Variants in ZPBP observed in about 807,000 individuals in gnomAD.
ZPBP encodes zona pellucida-binding protein 1.
A neutral mutation model predicts 44.8 loss-of-function variants in ZPBP; 26 were observed. The ratio of observed to expected loss-of-function variants is 0.58; its 90% CI spans 0.43 to 0.81. The LOEUF (loss-of-function observed/expected upper bound fraction) is 0.81, where lower values mean the gene tolerates loss of function less well. Ranked by LOEUF, ZPBP falls within the 30% of genes least tolerant of loss-of-function variation. The probability of loss-of-function intolerance (pLI) is 0.00; values close to 1 mark genes in which losing one functional copy is unlikely to be tolerated. For synonymous variants in ZPBP, 174 were observed against 153.2 expected (o/e 1.14, Z -1.00); for missense variants, 409 against 434.0 (o/e 0.94, Z 0.51).
intron 4 of ZPBP, among the ~76,000 whole-genome samples, chr7:50,033,101 C>CA (rs1043713746): frequency 4.2e-4 from 63 of 150,044 alleles, no homozygotes; most frequent in Non-Finnish European, 7.3e-4. Flanking sequence ...GTCAAGAAAG[C>CA]TTTTTTTTTA....
At chr7:49,853,799 T>C (rs1236530758) in intron 2 of ZPBP, among the ~76,000 whole-genome samples, 1 of 152,092 alleles carries the variant, frequency 6.6e-6, no homozygotes. Context: ...TGTGCCATGT[T>C]GGTGTGCTGC....
intron 2 of ZPBP, among the ~76,000 whole-genome samples, chr7:49,870,818 C>T (rs1791118672): frequency 6.6e-6 from 1 of 152,162 alleles, no homozygotes; most frequent in South Asian, 2.1e-4. Flanking sequence ...GACTGTGTAC[C>T]TCATTTATAC....
chr7:49,864,307 C>A (rs1451194816), intron 2 of ZPBP, among the ~76,000 whole-genome samples: 10 of 152,168 alleles, frequency 6.6e-5, no homozygotes, highest in Admixed American at 6.5e-4. Context: ...GTAGTCTCTG[C>A]AGAATTGTTC....
At chr7:50,083,016 C>T (rs1802448617) in intron 2 of ZPBP, among the ~76,000 whole-genome samples, 1 of 151,804 alleles carries the variant, frequency 6.6e-6, no homozygotes, top group African/African-American at 2.4e-5. Context: ...CACAGCAGCA[C>T]ACAGCATCAT....
intron 1 of ZPBP, among the ~76,000 whole-genome samples, chr7:49,911,684 G>A (rs1243289190): frequency 6.6e-6 from 1 of 151,868 alleles, no homozygotes; most frequent in Non-Finnish European, 1.5e-5. Context: ...ATCACTTGAA[G>A]TCAGGAGTTC....
intron 2 of ZPBP, among the ~76,000 whole-genome samples, chr7:50,085,815 G>A (rs183994835): frequency 3.3e-5 from 5 of 152,248 alleles, no homozygotes; most frequent in African/African-American, 9.6e-5. Context: ...CATATCCACA[G>A]GAACTTTGAC....
At chr7:49,895,514 A>G (rs1290809434) in intron 2 of ZPBP, among the ~76,000 whole-genome samples, 1 of 152,226 alleles carries the variant, frequency 6.6e-6, no homozygotes, top group Non-Finnish European at 1.5e-5. Context: ...CACAGAAAAA[A>G]TCAGTTAAGC....
At chr7:49,912,353 G>A in intron 1 of ZPBP, 4 of 623,344 alleles carry the variant, frequency 6.4e-6, no homozygotes, top group South Asian at 5.8e-5. Flanking sequence ...AGAAGGAAAT[G>A]GATATATTTC....
chr7:49,967,133 A>G (rs1273565163), intron 7 of ZPBP, among the ~76,000 whole-genome samples: 3 of 152,176 alleles, frequency 2.0e-5, no homozygotes, highest in Admixed American at 1.3e-4. Flanking sequence ...GAGGTAGGGA[A>G]GAATGGAGCT....
At chr7:50,048,767 A>T (rs1403123204) in intron 4 of ZPBP, among the ~76,000 whole-genome samples, 1 of 151,954 alleles carries the variant, frequency 6.6e-6, no homozygotes, top group Non-Finnish European at 1.5e-5. Context: ...TTATCTTCGG[A>T]CAATGAAAAA....
chr7:50,004,051 C>T (rs1449726349), intron 6 of ZPBP, among the ~76,000 whole-genome samples: 7 of 151,936 alleles, frequency 4.6e-5, no homozygotes, highest in Admixed American at 1.3e-4. Flanking sequence ...CCTAGATGGC[C>T]GGTGAAGCAC....
chr7:49,858,387 G>T lies in ZPBP; in HGVS notation n.510-7873C>A, dbSNP rs112578602. On this transcript the variant is annotated intron_variant and non_coding_transcript_variant, in intron 2 of 2. Transcript: ENST00000465922. ...ATACTATGCAGCCATAAAAAAGGATGAGTTCATGTCCTTTGTAGGGACATG... is the reference window on the plus strand; with the variant it reads ...ATACTATGCAGCCATAAAAAAGGATTAGTTCATGTCCTTTGTAGGGACATG... Among the ~76,000 whole-genome samples, 267 of 152,214 alleles carry T rather than the reference G, an allele frequency of 1.8e-3. 3 individuals are homozygous for T. The highest frequency in any genetic ancestry group is 6.0e-3 in the African/African-American group (250 of 41,508).
chr7:49,889,402 C>G (rs1792034259), intron 2 of ZPBP, among the ~76,000 whole-genome samples: 1 of 152,128 alleles, frequency 6.6e-6, no homozygotes, highest in Admixed American at 6.5e-5. Context: ...TAGTGCTTTC[C>G]CACATACTTG....
intron 2 of ZPBP, among the ~76,000 whole-genome samples, chr7:49,878,740 C>G (rs1183560090): frequency 6.6e-6 from 1 of 152,124 alleles, no homozygotes; most frequent in African/African-American, 2.4e-5. Context: ...ACGATTTTCT[C>G]CTGTACTGCT....
At chr7:50,030,123 G>C (rs946133789) in intron 5 of ZPBP, among the ~76,000 whole-genome samples, 1 of 152,164 alleles carries the variant, frequency 6.6e-6, no homozygotes, top group Non-Finnish European at 1.5e-5. Flanking sequence ...ACAAAGTGCT[G>C]AACCTGAAGA....
chr7:49,888,436 A>G (rs1166538125), intron 2 of ZPBP, among the ~76,000 whole-genome samples: 2 of 152,304 alleles, frequency 1.3e-5, no homozygotes, highest in East Asian at 1.9e-4. Flanking sequence ...ATTTTATTCT[A>G]TTAGTAATAT....
At chr7:49,877,167 A>C (rs1791445278) in intron 2 of ZPBP, among the ~76,000 whole-genome samples, 1 of 151,874 alleles carries the variant, frequency 6.6e-6, no homozygotes, top group African/African-American at 2.4e-5. Flanking sequence ...AGTGCTCAAA[A>C]ATATTTATTT....
At chr7:49,982,441 T>G (rs554580355) in intron 7 of ZPBP, among the ~76,000 whole-genome samples, 89 of 145,466 alleles carry the variant, frequency 6.1e-4, no homozygotes, top group African/African-American at 2.1e-3. Flanking sequence ...GTTTAATTTG[T>G]ATTCTATTTC....
intron 1 of ZPBP, chr7:49,915,583 T>A (rs1379649765): frequency 4.6e-5 from 7 of 152,198 alleles, no homozygotes; most frequent in African/African-American, 1.4e-4. Flanking sequence ...GGTTTTTAAA[T>A]GTATACATTA....
Sources: allele counts gnomAD v4.1 joint callset (sites outside exome capture counted in the v4.1 genomes callset), GRCh38; gene constraint gnomAD v4.1.1; transcripts MANE v1.5; gene names NCBI Gene and HGNC (gene_info 2026-07-23, HGNC 2026-07-21).